The following PTPN4 variants were observed in gnomAD, a reference collection of about 807,000 sequenced individuals.
PTPN4 encodes protein tyrosine phosphatase non-receptor type 4.
PTPN4 carries 49 observed loss-of-function variants against 135.5 expected under a neutral mutation model. The observed-to-expected ratio is 0.36, with a 90% CI of 0.29 to 0.46. The LOEUF (loss-of-function observed/expected upper bound fraction) is 0.46. PTPN4 is among the 20% of genes least tolerant of loss of function. PTPN4 has a pLI of 1.00. For synonymous variants in PTPN4, 333 were observed against 369.9 expected (o/e 0.90, Z 1.14); for missense variants, 860 against 1,101.0 (o/e 0.78, Z 3.10).
chr2:119,975,215 G>GT (rs1679597129), intron 26 of PTPN4, among the ~76,000 whole-genome samples: 1 of 152,130 alleles, frequency 6.6e-6, no homozygotes. Context: ...TGGCTCAAAT[G>GT]TTCCTCCCAT....
At chr2:119,911,915 C>T (rs535687016) in intron 10 of PTPN4, among the ~76,000 whole-genome samples, 39 of 152,252 alleles carry the variant, frequency 2.6e-4, no homozygotes, top group African/African-American at 9.1e-4. Flanking sequence ...AGCTGTTTCA[C>T]TCCTACCTGG....
At position 119,925,303 on chromosome 2, in the gene PTPN4, A is replaced by G. The variant is rs546597697; in HGVS notation, c.1002-1295A>G. Reference sequence around the variant, plus strand: ...TAAGGCAAAATAATCTAGAAAATGGAATTTGTTTATCATAGCCCCTGCAAA... The same window carrying G: ...TAAGGCAAAATAATCTAGAAAATGGGATTTGTTTATCATAGCCCCTGCAAA... On this transcript the variant is annotated intron_variant, in intron 12 of 26. Coordinates refer to ENST00000263708, the MANE Select transcript of PTPN4 (RefSeq NM_002830.4). Among the ~76,000 whole-genome samples the G allele has an allele frequency of 1.2e-4, 19 of 152,300 alleles. No individual in the cohort carries two copies. The South Asian group carries it at 3.1e-3, about 25-fold the overall frequency.
intron 2 of PTPN4, among the ~76,000 whole-genome samples, chr2:119,861,376 C>T (rs1677757955): frequency 6.6e-6 from 1 of 152,178 alleles, no homozygotes; most frequent in Non-Finnish European, 1.5e-5. Flanking sequence ...AAATTTTCAA[C>T]ACATGAATTC....
chr2:119,918,719 A>G (rs1678694328), intron 11 of PTPN4, among the ~76,000 whole-genome samples: 1 of 152,234 alleles, frequency 6.6e-6, no homozygotes, highest in Admixed American at 6.5e-5. Flanking sequence ...AAAGCTGAGC[A>G]TATGTGTACA....
At chr2:119,896,966 G>A (rs1678333606) in intron 9 of PTPN4, among the ~76,000 whole-genome samples, 1 of 152,186 alleles carries the variant, frequency 6.6e-6, no homozygotes, top group African/African-American at 2.4e-5. Flanking sequence ...TGTCACCCAG[G>A]CTGAAGTATA....
At chr2:119,860,657 A>G (rs765338666) in intron 2 of PTPN4, among the ~76,000 whole-genome samples, 1 of 152,226 alleles carries the variant, frequency 6.6e-6, no homozygotes, top group African/African-American at 2.4e-5. Context: ...ATGAGAAGAA[A>G]AACTAGTGGT....
intron 12 of PTPN4, 47 bp from the exon 13 acceptor site, chr2:119,926,551 T>C: frequency 7.5e-7 from 1 of 1,326,804 alleles, no homozygotes; most frequent in Non-Finnish European, 1.1e-6. Flanking sequence ...CATTTTATCT[T>C]ATAGTTCTCT....
chr2:119,941,584 A>G (rs528541545), intron 15 of PTPN4, among the ~76,000 whole-genome samples: 6 of 152,340 alleles, frequency 3.9e-5, no homozygotes, highest in African/African-American at 7.2e-5. Context: ...GCAGTCAGGC[A>G]TATGGAGAGC....
chr2:119,908,285 G>GA lies in PTPN4; in HGVS notation c.765-6888dup, dbSNP rs147456346. ...CATTTTTTAAAATTGACATTTCTCA[G>GA]AAAAAAGACATGCAAATGGTCAAAT... On this transcript the variant is annotated intron_variant, in intron 10 of 26. Transcript: ENST00000263708. 7.6e-3 allele frequency among the ~76,000 whole-genome samples: 1,162 copies of GA among 152,136 alleles called. 32 individuals are homozygous for GA. The highest frequency in any genetic ancestry group is 0.076 in the East Asian group (395 of 5,172).
At chr2:119,843,218 C>CTTTTT (rs779045976) in intron 2 of PTPN4, among the ~76,000 whole-genome samples, 7 of 107,286 alleles carry the variant, frequency 6.5e-5, no homozygotes, top group Non-Finnish European at 1.1e-4. Context: ...ATGCATTTTT[C>CTTTTT]TTTTTTTTTT....
intron 18 of PTPN4, among the ~76,000 whole-genome samples, chr2:119,947,970 C>A (rs1274354087): frequency 2.6e-5 from 4 of 151,982 alleles, no homozygotes; most frequent in East Asian, 1.9e-4. Flanking sequence ...GGATGTAAAC[C>A]CTTAATAGAC....
chr2:119,946,784 A>G (rs1168362419), intron 18 of PTPN4: 2 of 466,918 alleles, frequency 4.3e-6, no homozygotes, highest in South Asian at 6.8e-5. Context: ...TAAAGAAGCT[A>G]TTTATGACTT....
intron 2 of PTPN4, among the ~76,000 whole-genome samples, chr2:119,834,180 C>G (rs558248042): frequency 6.6e-6 from 1 of 152,298 alleles, no homozygotes; most frequent in Non-Finnish European, 1.5e-5. Flanking sequence ...GGGAACATTT[C>G]AAATTCTCTT....
At chr2:119,976,210 G>T (rs1473234131) in intron 26 of PTPN4, among the ~76,000 whole-genome samples, 1 of 151,836 alleles carries the variant, frequency 6.6e-6, no homozygotes, top group Non-Finnish European at 1.5e-5. Context: ...TGTTAGCCAG[G>T]ATGGTCTCGA....
chr2:119,784,957 A>G (rs1466602084), intron 1 of PTPN4, among the ~76,000 whole-genome samples: 1 of 7,222 alleles, frequency 1.4e-4, no homozygotes, highest in African/African-American at 1.6e-4. Context: ...ATTTTATGAT[A>G]CTGAGGAGGA....
chr2:119,924,415 A>C (rs2105031655), intron 12 of PTPN4, among the ~76,000 whole-genome samples: 1 of 152,152 alleles, frequency 6.6e-6, no homozygotes, highest in African/African-American at 2.4e-5. Flanking sequence ...TGAATTTCAG[A>C]ATGATTTTTA....
At chr2:119,958,084 T>A (rs917339504) in intron 22 of PTPN4, among the ~76,000 whole-genome samples, 1 of 152,038 alleles carries the variant, frequency 6.6e-6, no homozygotes, top group Non-Finnish European at 1.5e-5. Context: ...AGAAAAAGCT[T>A]ATTTAATATA....
chr2:119,951,881 C>T, intron 18 of PTPN4, 92 bp from the exon 19 acceptor site: 2 of 1,008,152 alleles, frequency 2.0e-6, no homozygotes, highest in East Asian at 2.9e-5. Context: ...TAGTTTAGTT[C>T]TCCTGCTATT....
Position 119,920,057 on chromosome 2 carries a change from C to A in PTPN4, c.829-12C>A. On this transcript the variant is annotated splice_polypyrimidine_tract_variant and intron_variant, in intron 11 of 26. Coordinates refer to ENST00000263708, the MANE Select transcript of PTPN4 (RefSeq NM_002830.4). ...TTTCCTGGTATTCTCTGCATTTTGT[C>A]ATTTATTACAGCATGAATCTAGAGA... The A allele has an allele frequency of 6.3e-7, 1 of 1,588,418 alleles. No homozygotes were observed. The highest frequency in any genetic ancestry group is 1.2e-5 in the South Asian group (1 of 85,956).
Sources: allele counts gnomAD v4.1 joint callset (sites outside exome capture counted in the v4.1 genomes callset), GRCh38; gene constraint gnomAD v4.1.1; transcripts MANE v1.5; gene names NCBI Gene and HGNC (gene_info 2026-07-23, HGNC 2026-07-21).